Variants in PALB2 observed in about 807,000 individuals in gnomAD.
PALB2 encodes the protein partner and localizer of BRCA2, also known as mutant partner and localizer of BRCA2.
Under a neutral mutation model 107.4 loss-of-function variants are expected in PALB2, and 82 were observed. The observed-to-expected ratio is 0.76, with a 90% CI of 0.64 to 0.92. The LOEUF (loss-of-function observed/expected upper bound fraction) is 0.92, where lower values mean the gene tolerates loss of function less well. Among genes scored for constraint, PALB2 ranks in the 40% least tolerant of loss-of-function variants. PALB2 has a pLI of 0.00. For missense variants in PALB2, 1,374 were observed against 1,379.9 expected, an observed-to-expected ratio of 1.00 and a Z score of 0.07; for synonymous variants, 489 against 496.8, an observed-to-expected ratio of 0.98 and a Z score of 0.21.
In PALB2 at chr16:23,629,179, C is replaced by T. The variant is rs369712492; in HGVS notation, c.2586+25G>A. ...AAGTTTTCATATGTAAGACACGAGA[C>T]ACTGGAAGAGAATATTCTTCTGACC... is the stretch of plus-strand genomic sequence containing the variant. On this transcript the variant is annotated intron_variant, in intron 6 of 12. Coordinates refer to ENST00000261584, the MANE Select transcript of PALB2 (RefSeq NM_024675.4). 5 of 1,572,560 alleles carry T rather than the reference C, an allele frequency of 3.2e-6. No individual in the cohort carries two copies. The Admixed American group carries it at 5.0e-5, about 16-fold the overall frequency.
chr16:23,608,109 A>G, intron 11 of PALB2, 97 bp from the exon 12 acceptor site: 2 of 1,286,666 alleles, frequency 1.6e-6, no homozygotes, highest in Non-Finnish European at 2.2e-6. Flanking sequence ...CAATTAAAGC[A>G]ATGACCGATA....
At chr16:23,610,304 T>C (rs562887389) in intron 11 of PALB2, among the ~76,000 whole-genome samples, 23 of 150,862 alleles carry the variant, frequency 1.5e-4, no homozygotes, top group African/African-American at 5.1e-4. Context: ...AATACAATGT[T>C]ATTTCTTTTT....
rs2142383167 is a variant in PALB2, at chr16:23,630,131, G to C, written c.2023C>G (p.Leu675Val). 6.2e-7 allele frequency: 1 copy of C among 1,614,114 alleles called. No homozygotes were observed. The highest frequency in any genetic ancestry group is 8.5e-7 in the Non-Finnish European group (1 of 1,180,028). Residue 675 changes from leucine (L) to valine (V), a missense_variant, in exon 5 of 13, where the codon CTT becomes GTT. By Grantham distance (32) the Leu-to-Val change is conservative. Transcript: ENST00000261584. ...DTEMEDLEEDLIVLPGKSHPK... is the reference protein window; with the variant it reads ...DTEMEDLEEDVIVLPGKSHPK... Reference sequence around the variant, plus strand: ...TGTGATTTTCCTGGTAGAACAATAAGGTCCTCTTCTAAGTCCTCCATTTCT... The same window carrying C: ...TGTGATTTTCCTGGTAGAACAATAACGTCCTCTTCTAAGTCCTCCATTTCT...
intron 5 of PALB2, 53 bp from the exon 6 acceptor site, chr16:23,629,328 C>T (rs2142369698): frequency 1.4e-6 from 2 of 1,433,744 alleles, no homozygotes; most frequent in South Asian, 2.3e-5. Flanking sequence ...TAATGTCTGC[C>T]TGCATTACCC....
chr16:23,634,092 A>T (rs1023468317), intron 4 of PALB2, among the ~76,000 whole-genome samples: 1 of 152,224 alleles, frequency 6.6e-6, no homozygotes, highest in African/African-American at 2.4e-5. Flanking sequence ...AAAGAATTGT[A>T]TTGAACCTGA....
At chr16:23,609,738 G>A (rs529410450) in intron 11 of PALB2, among the ~76,000 whole-genome samples, 17 of 152,224 alleles carry the variant, frequency 1.1e-4, no homozygotes, top group South Asian at 2.1e-4. Flanking sequence ...GGATGGTCTC[G>A]ATCTCCTGAC....
chr16:23,637,207 C>G (rs927265762), intron 3 of PALB2, among the ~76,000 whole-genome samples: 1 of 152,052 alleles, frequency 6.6e-6, no homozygotes. Flanking sequence ...GTGATTGAGC[C>G]ACTGTACTCC....
chr16:23,626,502 T>A, intron 6 of PALB2, 105 bp from the exon 7 acceptor site: 1 of 1,407,714 alleles, frequency 7.1e-7, no homozygotes, highest in South Asian at 1.2e-5. Flanking sequence ...ACAGTAGGTA[T>A]GTAAAATTTA....
rs2142438106 is a variant in PALB2, at chr16:23,635,887, C to T, written c.659G>A (p.Ser220Asn). The change falls in exon 4 of 13, where the codon AGT (serine) becomes AAT (asparagine). Residue 220 changes from serine to asparagine, a missense_variant. Coordinates refer to ENST00000261584, the MANE Select transcript of PALB2 (RefSeq NM_024675.4). Reference protein sequence around the residue: ...PEPVTEINEDSVLIPPTAQPE... With the variant: ...PEPVTEINEDNVLIPPTAQPE... ...TTGGGCAGTTGGTGGAATTAATACA[C>T]TGTCTTCATTAATTTCTGTAACTGG... 6.2e-7 allele frequency: 1 copy of T among 1,614,128 alleles called. No homozygotes were observed. Among genetic ancestry groups the T allele is most frequent in the Non-Finnish European group, 8.5e-7 (1 of 1,179,988 alleles).
At chr16:23,606,938 C>A (rs1173598293) in intron 12 of PALB2, among the ~76,000 whole-genome samples, 1 of 151,480 alleles carries the variant, frequency 6.6e-6, no homozygotes, top group African/African-American at 2.4e-5. Flanking sequence ...CCCAGCCTCC[C>A]GAGTAGCTGG....
intron 4 of PALB2, among the ~76,000 whole-genome samples, chr16:23,632,831 C>T (rs146654841): frequency 2.0e-5 from 3 of 152,202 alleles, no homozygotes; most frequent in Non-Finnish European, 4.4e-5. Context: ...TGGTGGCTCA[C>T]GCCTGTAATC....
intron 3 of PALB2, among the ~76,000 whole-genome samples, chr16:23,637,320 G>A (rs184027841): frequency 6.6e-6 from 1 of 152,092 alleles, no homozygotes; most frequent in African/African-American, 2.4e-5. Context: ...AAAATTGAGA[G>A]GGAAAAAGAG....
rs577076372 is a variant in PALB2, at chr16:23,629,736, C to T, written c.2418G>A (p.Pro806=). 1.2e-5 allele frequency: 20 copies of T among 1,614,140 alleles called. No individual in the cohort carries two copies. The highest frequency in any genetic ancestry group is 8.9e-5 in the East Asian group (4 of 44,888). Residue 806 remains proline (P), a synonymous_variant, in exon 5 of 13, where the codon CCG becomes CCA. Transcript: ENST00000261584. ...GQPTCDCDSV[P]PGTPPPIESF... Reference sequence around the variant, plus strand: ...ACTCAATGGGTGGAGGTGTTCCTGGCGGGACAGAGTCACAGTCACAGGTAG... The same window carrying T: ...ACTCAATGGGTGGAGGTGTTCCTGGTGGGACAGAGTCACAGTCACAGGTAG...
At chr16:23,636,936 C>T (rs1037670276) in intron 3 of PALB2, among the ~76,000 whole-genome samples, 2 of 152,080 alleles carry the variant, frequency 1.3e-5, no homozygotes, top group African/African-American at 4.8e-5. Flanking sequence ...TTTCTCTGTT[C>T]ATATATACTT....
intron 4 of PALB2, among the ~76,000 whole-genome samples, chr16:23,634,252 T>C (rs889264726): frequency 3.3e-5 from 5 of 152,252 alleles, no homozygotes; most frequent in African/African-American, 1.2e-4. Context: ...TTAATCTCCC[T>C]GTACTTTAGT....
At chr16:23,608,627 C>T (rs1236024309) in intron 11 of PALB2, among the ~76,000 whole-genome samples, 1 of 151,976 alleles carries the variant, frequency 6.6e-6, no homozygotes, top group Non-Finnish European at 1.5e-5. Context: ...GTTTCTCAGA[C>T]CAGCCCACAA....
At chr16:23,616,817 ATTT>A (rs763117940) in intron 10 of PALB2, among the ~76,000 whole-genome samples, 3 of 146,312 alleles carry the variant, frequency 2.1e-5, no homozygotes, top group African/African-American at 7.5e-5. Context: ...AGCTTAAGAA[ATTT>A]TTTTTTTTTT....
chr16:23,630,781 A>G (rs1166833794), intron 4 of PALB2, among the ~76,000 whole-genome samples: 1 of 152,122 alleles, frequency 6.6e-6, no homozygotes, highest in African/African-American at 2.4e-5. Flanking sequence ...GAGTTAGTTG[A>G]TTAATTAGCA....
chr16:23,610,455 C>T (rs1044659455), intron 11 of PALB2, among the ~76,000 whole-genome samples: 11 of 151,634 alleles, frequency 7.3e-5, no homozygotes, highest in Middle Eastern at 3.4e-3. Context: ...ACTACAGGTG[C>T]GCACCACCAT....
Sources: gnomAD v4.1 joint callset for allele counts (sites outside exome capture counted in the v4.1 genomes callset) on GRCh38, gnomAD v4.1.1 for gene constraint, MANE v1.5 for transcripts, NCBI Gene and HGNC (gene_info 2026-07-23, HGNC 2026-07-21) for gene names.